Variants in CPPED1 observed in about 807,000 individuals in gnomAD.
CPPED1 encodes the protein calcineurin like phosphoesterase domain containing 1.
Under a neutral mutation model 28.0 loss-of-function variants are expected in CPPED1, and 28 were observed. The observed-to-expected ratio is 1.00, with a 90% CI of 0.74 to 1.37. The LOEUF (loss-of-function observed/expected upper bound fraction) is 1.37. Ranked by LOEUF, CPPED1 falls within the 40% of genes most tolerant of loss-of-function variation. CPPED1 has a pLI of 0.00. For synonymous variants in CPPED1, 198 were observed against 180.2 expected (o/e 1.10, Z -0.79); for missense variants, 504 against 416.5 (o/e 1.21, Z -1.83).
Position 12,664,565 on chromosome 16 carries a change from C to T in CPPED1, c.*321G>A. 8.8e-7 allele frequency: 1 copy of T among 1,140,474 alleles called. No homozygotes were observed. Among genetic ancestry groups the T allele is most frequent in the Non-Finnish European group, 1.1e-6 (1 of 928,962 alleles). The allele number at this position is 1,140,474 out of a possible 1,614,324, so 70.6% of individuals were successfully genotyped here. On this transcript the variant is annotated 3_prime_UTR_variant, in exon 4 of 4. Coordinates refer to ENST00000381774, the MANE Select transcript of CPPED1 (RefSeq NM_018340.3). This position sits in a 1 kb window ranked among gnomAD's most constrained non-coding sequence, Gnocchi z 4.2. ...TCGATAGGCAGACTTTGACCATATG[C>T]TAACCAGAATACAATCCAATTCAAA...
rs1368031069 is a variant in CPPED1 at position 12,662,282 on chromosome 16, C to CA, written c.*2603dup. On this transcript the variant is annotated 3_prime_UTR_variant, in exon 4 of 4. Transcript: ENST00000381774. ...CATCAGAATGATAGATGCTTATCTA[C>CA]AAAAACATTTCCTGACTTCTTGCTG... is the stretch of plus-strand genomic sequence containing the variant. 1.3e-5 allele frequency: 2 copies of CA among 152,148 alleles called. No individual in the cohort carries two copies. The highest frequency in any genetic ancestry group is 2.9e-5 in the Non-Finnish European group (2 of 68,040). The allele number at this position is 152,148 out of a possible 1,614,324, so 9.4% of individuals were successfully genotyped here. A position where few individuals can be genotyped will look rare whatever the true frequency, so the allele number is the denominator to read the frequency against.
At chr16:12,731,549 C>T (rs1398586722) in intron 2 of CPPED1, among the ~76,000 whole-genome samples, 1 of 151,874 alleles carries the variant, frequency 6.6e-6, no homozygotes, top group Non-Finnish European at 1.5e-5. Flanking sequence ...AGAAGCCAGG[C>T]AGAGCCCTCC....
intron 1 of CPPED1, among the ~76,000 whole-genome samples, chr16:12,790,575 A>C (rs2080589886): frequency 6.6e-6 from 1 of 152,198 alleles, no homozygotes; most frequent in Non-Finnish European, 1.5e-5. Flanking sequence ...ACCTCAAATA[A>C]TTCACGGTAG....
chr16:12,730,929 T>C (rs1005919107), intron 2 of CPPED1, among the ~76,000 whole-genome samples: 2 of 152,068 alleles, frequency 1.3e-5, no homozygotes, highest in Non-Finnish European at 2.9e-5. Context: ...TAGCTATCCT[T>C]GGGTATAGGA....
chr16:12,736,895 A>T (rs1266620574), intron 2 of CPPED1, among the ~76,000 whole-genome samples: 1 of 152,116 alleles, frequency 6.6e-6, no homozygotes, highest in Non-Finnish European at 1.5e-5. Flanking sequence ...CAACTCTAAA[A>T]TCAGAGATCA....
chr16:12,794,315 G>A (rs2141245913), intron 1 of CPPED1, among the ~76,000 whole-genome samples: 1 of 152,028 alleles, frequency 6.6e-6, no homozygotes, highest in South Asian at 2.1e-4. Flanking sequence ...CCACTGAATT[G>A]TACACATTTA....
Position 12,705,627 on chromosome 16 carries a change from G to A in CPPED1, c.290-578C>T, listed in dbSNP as rs534805579. Among the ~76,000 whole-genome samples the A allele has an allele frequency of 7.2e-5, 11 of 152,194 alleles. No homozygotes were observed. The East Asian group carries it at 9.7e-4, about 13-fold the overall frequency. On this transcript the variant is annotated intron_variant, in intron 2 of 3. Transcript: ENST00000381774. ...ACAAAAATTAGCTGGGCATGGGCACGGGCACCTGTAATCCCAGCTACTCGG... is the reference window on the plus strand; with the variant it reads ...ACAAAAATTAGCTGGGCATGGGCACAGGCACCTGTAATCCCAGCTACTCGG...
intron 2 of CPPED1, among the ~76,000 whole-genome samples, chr16:12,780,052 C>A (rs1264762845): frequency 6.6e-6 from 1 of 152,144 alleles, no homozygotes; most frequent in Non-Finnish European, 1.5e-5. Flanking sequence ...TCCAACATCT[C>A]ACTTTTTTCG....
At chr16:12,777,222 T>C (rs2080503021) in intron 2 of CPPED1, among the ~76,000 whole-genome samples, 1 of 152,216 alleles carries the variant, frequency 6.6e-6, no homozygotes, top group African/African-American at 2.4e-5. Context: ...ATTCCTGTAT[T>C]AACTGTTTTT....
At chr16:12,796,673 C>T (rs541835824) in intron 1 of CPPED1, among the ~76,000 whole-genome samples, 1 of 152,224 alleles carries the variant, frequency 6.6e-6, no homozygotes, top group African/African-American at 2.4e-5. Context: ...TTGGTGGTTC[C>T]TCAAAATATT....
chr16:12,803,732 GC>G lies in CPPED1; in HGVS notation c.44del (p.Gly15AlafsTer31), dbSNP rs759977975. 13 of 1,593,522 alleles carry G rather than the reference GC, an allele frequency of 8.2e-6. No homozygotes were observed. The highest frequency in any genetic ancestry group is 1.4e-5 in the African/African-American group (1 of 73,608). Reference sequence around the variant, plus strand: ...CTGCGGGAAACGCGGCCAGGGTCCTGCCCCTGGCTCTGTGGAAAACACCCCC... The same window carrying G: ...CTGCGGGAAACGCGGCCAGGGTCCTGCCCTGGCTCTGTGGAAAACACCCCC... ...EAGGVFHRAR[G>X]RTLAAFPAEK... On this transcript the variant is annotated frameshift_variant, in exon 1 of 4. Transcript: ENST00000381774. LOFTEE classifies it high-confidence loss of function.
chr16:12,776,729 G>C (rs1225745220), intron 2 of CPPED1, among the ~76,000 whole-genome samples: 1 of 152,134 alleles, frequency 6.6e-6, no homozygotes, highest in African/African-American at 2.4e-5. Flanking sequence ...GACCAGCCTG[G>C]CCAACATGGT....
At chr16:12,712,219 A>T (rs2080083736) in intron 2 of CPPED1, among the ~76,000 whole-genome samples, 1 of 152,200 alleles carries the variant, frequency 6.6e-6, no homozygotes, top group Non-Finnish European at 1.5e-5. Flanking sequence ...AAGAATTTCC[A>T]GAGACAGCCC....
At chr16:12,703,234 A>G (rs1266319796) in intron 3 of CPPED1, among the ~76,000 whole-genome samples, 37 of 152,190 alleles carry the variant, frequency 2.4e-4, no homozygotes, top group Admixed American at 2.4e-3. Flanking sequence ...CTTTATCTCC[A>G]TGGAACAGCT....
At chr16:12,667,958 CAA>C (rs1347472132) in intron 3 of CPPED1, among the ~76,000 whole-genome samples, 4 of 152,000 alleles carry the variant, frequency 2.6e-5, no homozygotes, top group African/African-American at 7.2e-5. Flanking sequence ...ACAGCAAAGA[CAA>C]AGAGAAAAAC....
intron 2 of CPPED1, among the ~76,000 whole-genome samples, chr16:12,726,328 C>G (rs373879724): frequency 2.0e-4 from 29 of 144,804 alleles, no homozygotes; most frequent in African/African-American, 6.9e-4. Flanking sequence ...GTGTGAGCCA[C>G]TGCACCCAGC....
At chr16:12,801,758 G>A (rs1291065963) in intron 1 of CPPED1, among the ~76,000 whole-genome samples, 2 of 152,152 alleles carry the variant, frequency 1.3e-5, no homozygotes, top group African/African-American at 2.4e-5. Context: ...TCTCAAATTA[G>A]GATGATTTTA....
Position 12,664,554 on chromosome 16 carries a change from T to C in CPPED1, c.*332A>G. The C allele has an allele frequency of 9.0e-7, 1 of 1,111,202 alleles. No homozygotes were observed. The highest frequency in any genetic ancestry group is 1.1e-6 in the Non-Finnish European group (1 of 910,386). The allele number at this position is 1,111,202 out of a possible 1,614,324, so 68.8% of individuals were successfully genotyped here. ...TGGAATTGAGGTCGATAGGCAGACT[T>C]TGACCATATGCTAACCAGAATACAA... On this transcript the variant is annotated 3_prime_UTR_variant, in exon 4 of 4. Coordinates refer to ENST00000381774, the MANE Select transcript of CPPED1 (RefSeq NM_018340.3). This position sits in a 1 kb window ranked among gnomAD's most constrained non-coding sequence, Gnocchi z 4.2.
chr16:12,785,904 C>T (rs927071635), intron 1 of CPPED1, among the ~76,000 whole-genome samples: 1 of 150,954 alleles, frequency 6.6e-6, no homozygotes, highest in Non-Finnish European at 1.5e-5. Flanking sequence ...ACTCCTGAAG[C>T]ACTCTGAGTA....
Sources: gnomAD v4.1 joint callset for allele counts (sites outside exome capture counted in the v4.1 genomes callset) on GRCh38, gnomAD v4.1.1 for gene constraint, Gnocchi (gnomAD v3.1) non-coding constraint, MANE v1.5 for transcripts, NCBI Gene and HGNC (gene_info 2026-07-23, HGNC 2026-07-21) for gene names.